Variants in ASIC2 observed in about 807,000 individuals in gnomAD.
The protein encoded by ASIC2 is acid sensing ion channel subunit 2, also known as acid-sensing ion channel 2.
In ASIC2, 25 loss-of-function variants were observed where a neutral mutation model predicts 57.3. The ratio of observed to expected loss-of-function variants is 0.44; its 90% CI spans 0.32 to 0.61. The LOEUF is 0.61. Among genes scored for constraint, ASIC2 ranks in the 20% least tolerant of loss-of-function variants. The pLI, the probability that ASIC2 is intolerant of heterozygous loss-of-function variation, is 0.06. For synonymous variants in ASIC2, 319 were observed against 307.5 expected, an observed-to-expected ratio of 1.04 and a Z score of -0.39; for missense variants, 641 against 738.1, an observed-to-expected ratio of 0.87 and a Z score of 1.52.
intron 1 of ASIC2, among the ~76,000 whole-genome samples, chr17:33,798,137 G>A (rs1911974731): frequency 6.6e-6 from 1 of 152,138 alleles, no homozygotes; most frequent in Non-Finnish European, 1.5e-5. Flanking sequence ...GAAACTAAAG[G>A]ACTAGCGAGA....
chr17:34,089,677 C>A (rs1482774780), intron 1 of ASIC2, among the ~76,000 whole-genome samples: 1 of 152,136 alleles, frequency 6.6e-6, no homozygotes, highest in African/African-American at 2.4e-5. Flanking sequence ...AGCCCCCAAG[C>A]CCCCATTTGC....
chr17:33,881,687 C>T (rs141072540), intron 1 of ASIC2, among the ~76,000 whole-genome samples: 2 of 152,216 alleles, frequency 1.3e-5, no homozygotes, highest in East Asian at 1.9e-4. Flanking sequence ...CCATACTGCC[C>T]AAGGTAATTT....
At chr17:33,650,585 A>T (rs1388617201) in intron 1 of ASIC2, among the ~76,000 whole-genome samples, 1 of 152,250 alleles carries the variant, frequency 6.6e-6, no homozygotes. Context: ...CAGATGTCCT[A>T]GAATGGATGG....
intron 1 of ASIC2, among the ~76,000 whole-genome samples, chr17:33,453,247 G>A (rs572095719): frequency 1.4e-4 from 21 of 150,390 alleles, no homozygotes; most frequent in Middle Eastern, 6.8e-3. Context: ...CCCAGACCAT[G>A]GCTGGGGACA....
intron 1 of ASIC2, among the ~76,000 whole-genome samples, chr17:33,343,739 C>A (rs1314820094): frequency 6.6e-6 from 1 of 152,192 alleles, no homozygotes; most frequent in Admixed American, 6.5e-5. Flanking sequence ...CACTCCATGG[C>A]CCCCAGGCTC....
Position 33,309,380 on chromosome 17 carries a change from C to A in ASIC2, c.556-197313G>T, listed in dbSNP as rs545908879. On this transcript the variant is annotated intron_variant, in intron 1 of 9. Coordinates refer to the ASIC2 transcript ENST00000359872. ...AATATTTCAATCCATTTTTGAAAAG[C>A]AGAACATAAATGGCAGAAGAGAGGA... 9.9e-4 allele frequency among the ~76,000 whole-genome samples: 151 copies of A among 152,276 alleles called. 1 individual carries two copies. Among genetic ancestry groups the A allele is most frequent in the African/African-American group, 3.5e-3 (144 of 41,568 alleles).
chr17:33,828,186 A>G (rs8072870), intron 1 of ASIC2: 123,543 of 152,182 alleles, frequency 0.81, 50,513 homozygotes, highest in African/African-American at 0.85. Context: ...ATAAACATAC[A>G]TGTGCATGTG....
At chr17:33,890,746 A>T (rs1914941854) in intron 1 of ASIC2, among the ~76,000 whole-genome samples, 1 of 152,214 alleles carries the variant, frequency 6.6e-6, no homozygotes, top group African/African-American at 2.4e-5. Flanking sequence ...CAATGGGAGA[A>T]GCTGCTTTCA....
intron 1 of ASIC2, among the ~76,000 whole-genome samples, chr17:33,760,401 A>G (rs1910744206): frequency 1.3e-5 from 2 of 152,102 alleles, no homozygotes; most frequent in Non-Finnish European, 2.9e-5. Context: ...GTCATCTTTG[A>G]TGTTTTGCTG....
intron 3 of ASIC2, among the ~76,000 whole-genome samples, chr17:33,045,970 G>A (rs566126907): frequency 2.6e-5 from 4 of 152,290 alleles, no homozygotes; most frequent in South Asian, 2.1e-4. Flanking sequence ...CATGCACTGC[G>A]CAACTGCAAG....
chr17:33,457,724 A>G (rs1435003009), intron 1 of ASIC2, among the ~76,000 whole-genome samples: 1 of 152,242 alleles, frequency 6.6e-6, no homozygotes, highest in East Asian at 1.9e-4. Context: ...ACAGCTTACT[A>G]CAAGACAGGT....
intron 1 of ASIC2, among the ~76,000 whole-genome samples, chr17:33,375,172 C>G (rs1909230270): frequency 6.6e-6 from 1 of 151,982 alleles, no homozygotes; most frequent in South Asian, 2.1e-4. Context: ...GCAGAGAGCC[C>G]TGTGGTGGGG....
At chr17:33,152,718 C>G (rs534005763) in intron 1 of ASIC2, among the ~76,000 whole-genome samples, 1 of 152,256 alleles carries the variant, frequency 6.6e-6, no homozygotes, top group Admixed American at 6.5e-5. Context: ...GGGAGAGCCT[C>G]AGAGGAAAGA....
At chr17:33,944,753 C>G (rs1383921650) in intron 1 of ASIC2, among the ~76,000 whole-genome samples, 4 of 152,210 alleles carry the variant, frequency 2.6e-5, no homozygotes, top group African/African-American at 4.8e-5. Context: ...TTGCACACTG[C>G]AAAGTGCTAC....
At chr17:33,890,884 G>T (rs1470432576) in intron 1 of ASIC2, among the ~76,000 whole-genome samples, 1 of 136,620 alleles carries the variant, frequency 7.3e-6, no homozygotes, top group East Asian at 2.2e-4. Context: ...TCAGCACTCT[G>T]CAGGCTGGAG....
At chr17:33,850,351 C>A (rs116507318) in intron 1 of ASIC2, among the ~76,000 whole-genome samples, 5 of 152,310 alleles carry the variant, frequency 3.3e-5, no homozygotes, top group Admixed American at 1.3e-4. Flanking sequence ...CAAAGTATCT[C>A]GTCGCCACAT....
chr17:33,777,523 A>G (rs1911322278), intron 1 of ASIC2, among the ~76,000 whole-genome samples: 2 of 149,234 alleles, frequency 1.3e-5, no homozygotes, highest in African/African-American at 2.4e-5. Flanking sequence ...CCACCAACCC[A>G]CCATGACACA....
chr17:33,469,892 C>A (rs1468380432), intron 1 of ASIC2, among the ~76,000 whole-genome samples: 1 of 152,072 alleles, frequency 6.6e-6, no homozygotes, highest in Admixed American at 6.5e-5. Context: ...TGTGGACCTA[C>A]AATGTGCCAG....
chr17:33,244,494 T>C (rs558269191), intron 1 of ASIC2, among the ~76,000 whole-genome samples: 1 of 152,340 alleles, frequency 6.6e-6, no homozygotes, highest in Non-Finnish European at 1.5e-5. Flanking sequence ...GATATAACTT[T>C]CATGATTTCT....
Sources: allele counts gnomAD v4.1 joint callset (sites outside exome capture counted in the v4.1 genomes callset), GRCh38; gene constraint gnomAD v4.1.1; transcripts MANE v1.5; gene names NCBI Gene and HGNC (gene_info 2026-07-23, HGNC 2026-07-21).